The following ZNF100 variants were observed in gnomAD, a reference collection of about 807,000 sequenced individuals.
The protein encoded by ZNF100 is zinc finger protein 100 (Y1).
In ZNF100, 12 loss-of-function variants were observed where a neutral mutation model predicts 15.8. The ratio of observed to expected loss-of-function variants is 0.76; its 90% confidence interval spans 0.49 to 1.23. The LOEUF is 1.23. Ranked by LOEUF, ZNF100 falls within the 50% of genes most tolerant of loss-of-function variation. The pLI, the probability that ZNF100 is intolerant of heterozygous loss-of-function variation, is 0.00. For synonymous variants in ZNF100, 226 were observed against 214.8 expected (o/e 1.05, Z -0.45); for missense variants, 670 against 635.6 (o/e 1.05, Z -0.58).
intron 4 of ZNF100, among the ~76,000 whole-genome samples, chr19:21,730,537 C>G (rs1385719917): frequency 1.6e-5 from 2 of 125,872 alleles, no homozygotes; most frequent in Non-Finnish European, 3.5e-5. Flanking sequence ...GAAGAAACAT[C>G]TAGACAGCAA....
intron 4 of ZNF100, among the ~76,000 whole-genome samples, chr19:21,742,382 T>C (rs574773885): frequency 8.7e-4 from 127 of 145,444 alleles, no homozygotes; most frequent in Non-Finnish European, 1.6e-3. Flanking sequence ...TTTTCTTTTT[T>C]TTTTTTTTTT....
intron 3 of ZNF100, 106 bp from the exon 4 acceptor site, chr19:21,744,221 C>A: frequency 9.8e-7 from 1 of 1,018,484 alleles, no homozygotes. Context: ...AAAATTAATC[C>A]TAACGTACTA....
chr19:21,759,592 A>G (rs1227363640), intron 2 of ZNF100, among the ~76,000 whole-genome samples: 1 of 152,220 alleles, frequency 6.6e-6, no homozygotes, highest in Non-Finnish European at 1.5e-5. Context: ...AGGTCAGCAC[A>G]AGATACAGGT....
intron 4 of ZNF100, among the ~76,000 whole-genome samples, chr19:21,739,162 C>T (rs2036063649): frequency 6.6e-6 from 1 of 152,186 alleles, no homozygotes; most frequent in Non-Finnish European, 1.5e-5. Context: ...ATATCACAGA[C>T]AAACTAGGCT....
chr19:21,744,078 ACAGGTGAT>A lies in ZNF100; in HGVS notation c.253_260del (p.Ile85SerfsTer14). 1 of 1,612,186 alleles carries A rather than the reference ACAGGTGAT, an allele frequency of 6.2e-7. No individual in the cohort carries two copies. The highest frequency in any genetic ancestry group is 2.2e-5 in the East Asian group (1 of 44,816). On this transcript the variant is annotated frameshift_variant, in exon 4 of 5. Transcript: ENST00000358296. LOFTEE classifies it high-confidence loss of function. ...TCCAGGGCTCTTTTCCTTGCTCCAGACAGGTGATCAGGTCTGGCTTAGTGAGAGCAATA... is the reference window on the plus strand; with the variant it reads ...TCCAGGGCTCTTTTCCTTGCTCCAGACAGGTCTGGCTTAGTGAGAGCAATA...
chr19:21,729,237 T>C (rs1444332603), intron 4 of ZNF100, among the ~76,000 whole-genome samples: 1 of 152,036 alleles, frequency 6.6e-6, no homozygotes, highest in Non-Finnish European at 1.5e-5. Flanking sequence ...AGCAATCAAG[T>C]AAGCATAATA....
chr19:21,750,150 A>G (rs1220012562), intron 2 of ZNF100, among the ~76,000 whole-genome samples: 4 of 152,214 alleles, frequency 2.6e-5, no homozygotes, highest in Non-Finnish European at 5.9e-5. Flanking sequence ...GACTGAACAA[A>G]TAAGAAATTG....
intron 2 of ZNF100, among the ~76,000 whole-genome samples, chr19:21,762,782 TA>T (rs1294692347): frequency 6.6e-6 from 1 of 152,052 alleles, no homozygotes; most frequent in Non-Finnish European, 1.5e-5. Context: ...AGGGCCTGGG[TA>T]AAACAGGGCT....
At chr19:21,729,412 A>C (rs1432491296) in intron 4 of ZNF100, among the ~76,000 whole-genome samples, 1 of 150,126 alleles carries the variant, frequency 6.7e-6, no homozygotes, top group Admixed American at 6.7e-5. Flanking sequence ...CAGTCAAATA[A>C]AAATACATTA....
chr19:21,733,304 T>C (rs1030097658), intron 4 of ZNF100, among the ~76,000 whole-genome samples: 3 of 131,486 alleles, frequency 2.3e-5, no homozygotes, highest in African/African-American at 8.9e-5. Context: ...GTTTTTAATA[T>C]TAATAACAAA....
chr19:21,730,126 AAT>A (rs1371585364), intron 4 of ZNF100, among the ~76,000 whole-genome samples: 5 of 152,046 alleles, frequency 3.3e-5, no homozygotes, highest in East Asian at 1.9e-4. Flanking sequence ...AAATTATTTA[AAT>A]ATATATGTTT....
intron 4 of ZNF100, among the ~76,000 whole-genome samples, chr19:21,732,197 T>G (rs1176068080): frequency 6.6e-6 from 1 of 152,208 alleles, no homozygotes; most frequent in Non-Finnish European, 1.5e-5. Context: ...TAATATTTTA[T>G]GTGTTCAAGT....
intron 2 of ZNF100, among the ~76,000 whole-genome samples, chr19:21,750,178 A>AT: frequency 6.6e-6 from 1 of 152,322 alleles, no homozygotes; most frequent in African/African-American, 2.4e-5. Context: ...GAATAGACCA[A>AT]TAACAAGTGC....
In ZNF100 at chr19:21,726,637, A is replaced by G. The variant is rs1599612888; in HGVS notation, c.*46T>C. On this transcript the variant is annotated 3_prime_UTR_variant, in exon 5 of 5. Coordinates refer to ENST00000358296, the MANE Select transcript of ZNF100 (RefSeq NM_173531.4). ...AGTTCCCTCCAGTATGAATTTTTTT[A>G]TGTTTAGTAAGAGTTGAGGACTGGT... 7.8e-7 allele frequency: 1 copy of G among 1,282,372 alleles called. No homozygotes were observed. The allele number at this position is 1,282,372 out of a possible 1,614,324, so 79.4% of individuals were successfully genotyped here. A position where few individuals can be genotyped will look rare whatever the true frequency, so the allele number is the denominator to read the frequency against.
In ZNF100 at chr19:21,722,818, TAAA is replaced by T. The variant is rs1175417750; in HGVS notation, c.*3862_*3864del. On this transcript the variant is annotated 3_prime_UTR_variant, in exon 5 of 5. Coordinates refer to ENST00000358296, the MANE Select transcript of ZNF100 (RefSeq NM_173531.4). ...ATTTTAATAAAAGTATGTTACATAATAAAAAATAAATTTAAAATTGTTCACTTA... is the reference window on the plus strand; with the variant it reads ...ATTTTAATAAAAGTATGTTACATAATAAATAAATTTAAAATTGTTCACTTA... The T allele has an allele frequency of 4.7e-5, 7 of 149,352 alleles. No homozygotes were observed. The East Asian group carries it at 6.0e-4, about 13-fold the overall frequency. 9.3% of individuals were successfully genotyped at this position (149,352 alleles called of 1,614,324 possible).
chr19:21,760,754 GTTTTTTT>G (rs59317162), intron 2 of ZNF100, among the ~76,000 whole-genome samples: 1 of 102,094 alleles, frequency 9.8e-6, no homozygotes. Flanking sequence ...GAACTTTCTT[GTTTTTTT>G]TTTTTTTTTT....
chr19:21,735,293 G>C (rs532107171), intron 4 of ZNF100, among the ~76,000 whole-genome samples: 1 of 152,232 alleles, frequency 6.6e-6, no homozygotes, highest in African/African-American at 2.4e-5. Flanking sequence ...AGGAGATCGA[G>C]ACCATCTTAG....
At chr19:21,754,247 C>CAA (rs1372421865) in intron 2 of ZNF100, among the ~76,000 whole-genome samples, 1 of 148,960 alleles carries the variant, frequency 6.7e-6, no homozygotes, top group African/African-American at 2.5e-5. Flanking sequence ...AAAAAAAAAA[C>CAA]AACAAAACAT....
Position 21,724,915 on chromosome 19 carries a change from G to T in ZNF100, c.*1768C>A, listed in dbSNP as rs975598422. 2 of 152,102 alleles carry T rather than the reference G, an allele frequency of 1.3e-5. No homozygotes were observed. Among genetic ancestry groups the T allele is most frequent in the African/African-American group, 2.4e-5 (1 of 41,410 alleles). The allele number at this position is 152,102 out of a possible 1,614,324, so 9.4% of individuals were successfully genotyped here. ...AAAATACAAAAATTAGCTGGGCATG[G>T]TGGTGGGTGCCTGTAATCCCAGCTA... On this transcript the variant is annotated 3_prime_UTR_variant, in exon 5 of 5. Transcript: ENST00000358296.
Sources: gnomAD v4.1 joint callset for allele counts (sites outside exome capture counted in the v4.1 genomes callset) on GRCh38, gnomAD v4.1.1 for gene constraint, MANE v1.5 for transcripts, NCBI Gene and HGNC (gene_info 2026-07-23, HGNC 2026-07-21) for gene names.